PPP1R9A: variants seen among roughly 807,000 people sequenced by gnomAD.
The protein encoded by PPP1R9A is protein phosphatase 1 regulatory subunit 9A, also known as neurabin-1.
PPP1R9A carries 59 observed loss-of-function variants against 141.9 expected under a neutral mutation model. The ratio of observed to expected loss-of-function variants is 0.42; its 90% CI spans 0.34 to 0.52. The LOEUF (loss-of-function observed/expected upper bound fraction) is 0.52, where lower values mean the gene tolerates loss of function less well. PPP1R9A is among the 20% of genes least tolerant of loss of function. PPP1R9A has a pLI of 0.10. For missense variants in PPP1R9A, 1,444 were observed against 1,611.9 expected (o/e 0.90, Z 1.78); for synonymous variants, 500 against 569.7 (o/e 0.88, Z 1.74).
intron 8 of PPP1R9A, among the ~76,000 whole-genome samples, chr7:95,232,218 A>G (rs752340355): frequency 1.3e-5 from 2 of 152,158 alleles, no homozygotes; most frequent in Non-Finnish European, 2.9e-5. Context: ...GAACAGACCA[A>G]TAGCAGGCAG....
Position 95,012,020 on chromosome 7 carries a change from T to C in PPP1R9A, c.1396-99239T>C, listed in dbSNP as rs564208652. Among the ~76,000 whole-genome samples, 9 of 152,284 alleles carry C rather than the reference T, an allele frequency of 5.9e-5. No individual in the cohort carries two copies. In the South Asian group the frequency reaches 1.7e-3, roughly 28 times the overall value. Reference sequence around the variant, plus strand: ...GCATGTTTTATATGAGCCAACAATATGATAAAGCTGGTAAAACTGTCAAAA... The same window carrying C: ...GCATGTTTTATATGAGCCAACAATACGATAAAGCTGGTAAAACTGTCAAAA... On this transcript the variant is annotated intron_variant, in intron 2 of 19. Transcript: ENST00000433360.
chr7:94,986,092 A>T (rs1170282975), intron 2 of PPP1R9A, among the ~76,000 whole-genome samples: 2 of 152,142 alleles, frequency 1.3e-5, no homozygotes, highest in African/African-American at 2.4e-5. Flanking sequence ...AGTTTGTAGC[A>T]CTGGTTTTGG....
intron 16 of PPP1R9A, among the ~76,000 whole-genome samples, 166 bp downstream of exon 16, chr7:95,274,334 A>T (rs2153057374): frequency 6.6e-6 from 1 of 152,366 alleles, no homozygotes; most frequent in South Asian, 2.1e-4. Flanking sequence ...GTCTTACTCC[A>T]ATTATAGCCT....
Position 95,075,874 on chromosome 7 carries a change from AG to A in PPP1R9A, c.1396-35381del, listed in dbSNP as rs1203532814. 2.6e-5 allele frequency among the ~76,000 whole-genome samples: 4 copies of A among 152,026 alleles called. No homozygotes were observed. In the East Asian group the frequency reaches 7.7e-4, roughly 29 times the overall value. On this transcript the variant is annotated intron_variant, in intron 2 of 19. Transcript: ENST00000433360. Reference sequence around the variant, plus strand: ...ATGGAGAGGTAGCTAGACAAAGGAAAGGGGTTTGGGGCTTCTGTGGGGCAGA... The same window carrying A: ...ATGGAGAGGTAGCTAGACAAAGGAAAGGGTTTGGGGCTTCTGTGGGGCAGA...
chr7:95,113,473 A>T (rs754738426), intron 3 of PPP1R9A, among the ~76,000 whole-genome samples: 5 of 152,250 alleles, frequency 3.3e-5, no homozygotes, highest in Non-Finnish European at 5.9e-5. Flanking sequence ...TAGCCTGGGA[A>T]AAAATCCTAA....
At chr7:94,984,022 TGA>T (rs1300376815) in intron 2 of PPP1R9A, among the ~76,000 whole-genome samples, 2 of 152,204 alleles carry the variant, frequency 1.3e-5, no homozygotes, top group Non-Finnish European at 1.5e-5. Flanking sequence ...CCTAGTTTAT[TGA>T]GAGTTTTTAG....
At chr7:94,937,046 A>G (rs1241792292) in intron 2 of PPP1R9A, among the ~76,000 whole-genome samples, 1 of 152,144 alleles carries the variant, frequency 6.6e-6, no homozygotes, top group Non-Finnish European at 1.5e-5. Flanking sequence ...CATTTTTAAT[A>G]GCTCCGTAGT....
At chr7:95,099,535 G>A (rs576404512) in intron 2 of PPP1R9A, among the ~76,000 whole-genome samples, 7 of 152,134 alleles carry the variant, frequency 4.6e-5, no homozygotes, top group East Asian at 3.9e-4. Context: ...TAAAAAACTC[G>A]CTAATTTAGG....
chr7:95,115,003 C>T (rs971131651), intron 3 of PPP1R9A, among the ~76,000 whole-genome samples: 2 of 151,208 alleles, frequency 1.3e-5, no homozygotes, highest in African/African-American at 4.8e-5. Flanking sequence ...AAAAATGGAC[C>T]TGTCTTAGAA....
chr7:94,931,223 G>T (rs1794115888), intron 2 of PPP1R9A, among the ~76,000 whole-genome samples: 1 of 152,158 alleles, frequency 6.6e-6, no homozygotes. Context: ...GTGCTCACCA[G>T]TAAGAGGTTT....
Position 95,012,973 on chromosome 7 carries a change from A to AT in PPP1R9A, c.1396-98278dup, listed in dbSNP as rs200498525. Among the ~76,000 whole-genome samples, 34 of 151,952 alleles carry AT rather than the reference A, an allele frequency of 2.2e-4. No homozygotes were observed. The East Asian group carries it at 5.8e-3, about 26-fold the overall frequency. On this transcript the variant is annotated intron_variant, in intron 2 of 19. Coordinates refer to ENST00000433360, the MANE Select transcript of PPP1R9A (RefSeq NM_001166160.2). The stretch of plus-strand genomic sequence containing the variant: ...TGGGATGACTTCTCTGGCCCCTTCC[A>AT]TTTTTTTTGTATATGTAGTAGGTTT...
chr7:95,219,547 A>G (rs1429350262), intron 7 of PPP1R9A, among the ~76,000 whole-genome samples: 1 of 152,148 alleles, frequency 6.6e-6, no homozygotes, highest in Admixed American at 6.6e-5. Flanking sequence ...TTTCCTGGAT[A>G]ATATCCTACA....
chr7:95,029,719 AG>A (rs1807392147), intron 2 of PPP1R9A, among the ~76,000 whole-genome samples: 1 of 152,234 alleles, frequency 6.6e-6, no homozygotes, highest in African/African-American at 2.4e-5. Context: ...AATAAATCCC[AG>A]GGAAGAAAAT....
intron 2 of PPP1R9A, among the ~76,000 whole-genome samples, chr7:95,089,260 A>G (rs1291310106): frequency 2.6e-5 from 4 of 152,060 alleles, no homozygotes; most frequent in Non-Finnish European, 1.5e-5. Flanking sequence ...TTTTTAATGC[A>G]TACAATTTAT....
chr7:94,975,579 T>C (rs1381879207), intron 2 of PPP1R9A, among the ~76,000 whole-genome samples: 1 of 152,082 alleles, frequency 6.6e-6, no homozygotes, highest in Admixed American at 6.6e-5. Flanking sequence ...AGACAGCTGT[T>C]TGGAACTCAG....
chr7:95,108,315 T>TTC (rs1819915771), intron 2 of PPP1R9A, among the ~76,000 whole-genome samples: 1 of 122,610 alleles, frequency 8.2e-6, no homozygotes, highest in African/African-American at 3.1e-5. Context: ...TTCTTTTTTT[T>TTC]TTTTTTTTTT....
At chr7:95,075,981 G>A (rs970315679) in intron 2 of PPP1R9A, among the ~76,000 whole-genome samples, 5 of 152,154 alleles carry the variant, frequency 3.3e-5, no homozygotes, top group African/African-American at 1.2e-4. Context: ...TTGCAGATTA[G>A]GGGTCGTCTT....
chr7:95,088,041 A>G (rs1256083178), intron 2 of PPP1R9A, among the ~76,000 whole-genome samples: 2 of 151,980 alleles, frequency 1.3e-5, no homozygotes, highest in African/African-American at 4.8e-5. Flanking sequence ...AAAAAATAAA[A>G]TCTTGCAAGA....
In PPP1R9A at chr7:94,979,925, GTACCT is replaced by G. The variant is rs1375393974; in HGVS notation, c.1395+68419_1395+68423del. ...AAAGGTATTTTTTTTTGGTTTTGGG[GTACCT>G]TTTTAGTATTTACCTGTAAGGATTG... On this transcript the variant is annotated intron_variant, in intron 2 of 19. Coordinates refer to ENST00000433360, the MANE Select transcript of PPP1R9A (RefSeq NM_001166160.2). Among the ~76,000 whole-genome samples, 27 of 151,994 alleles carry G rather than the reference GTACCT, an allele frequency of 1.8e-4. 1 individual carries two copies. The highest frequency in any genetic ancestry group is 6.6e-4 in the Admixed American group (10 of 15,258).
Sources: gnomAD v4.1 joint callset for allele counts (sites outside exome capture counted in the v4.1 genomes callset) on GRCh38, gnomAD v4.1.1 for gene constraint, MANE v1.5 for transcripts, NCBI Gene and HGNC (gene_info 2026-07-23, HGNC 2026-07-21) for gene names.